PAMR1: variants seen among roughly 807,000 people sequenced by gnomAD.
PAMR1 encodes peptidase domain containing associated with muscle regeneration 1, also known as inactive serine protease PAMR1.
A neutral mutation model predicts 81.8 loss-of-function variants in PAMR1; 88 were observed. That is an observed-to-expected ratio of 1.08 (90% CI 0.91 to 1.28). The LOEUF (loss-of-function observed/expected upper bound fraction) is 1.28. PAMR1 is among the 50% of genes most tolerant of loss of function. The pLI, the probability that PAMR1 is intolerant of heterozygous loss-of-function variation, is 0.00. For missense variants in PAMR1, 935 were observed against 919.7 expected (o/e 1.02, Z -0.21); for synonymous variants, 336 against 345.3 (o/e 0.97, Z 0.30).
chr11:35,446,206 T>C (rs1057030080), intron 6 of PAMR1, among the ~76,000 whole-genome samples: 1 of 152,216 alleles, frequency 6.6e-6, no homozygotes, highest in Non-Finnish European at 1.5e-5. Context: ...TTGTGTCTAT[T>C]TGATTCTTTA....
rs775376621 is a variant in PAMR1 at position 35,434,710 on chromosome 11, A to G, written c.1428T>C (p.His476=). 6.3e-5 allele frequency: 102 copies of G among 1,614,038 alleles called. No individual in the cohort carries two copies. Among genetic ancestry groups the G allele is most frequent in the South Asian group, 1.3e-4 (12 of 91,076 alleles). The part of the protein sequence containing the change: ...AAIYRRTSGV[H]DGSLHKGAWF... ...ACGCTCCCTTGTGTAGGCTGCCGTC[A>G]TGCACCCCGCTGGTCCTCCTGTAGA... is the stretch of plus-strand genomic sequence containing the variant. Residue 476 remains histidine, a synonymous_variant, in exon 10 of 11, where the codon CAT becomes CAC. Transcript: ENST00000619888.
chr11:35,520,587 G>C (rs970392769), intron 1 of PAMR1, among the ~76,000 whole-genome samples: 31 of 152,164 alleles, frequency 2.0e-4, no homozygotes, highest in African/African-American at 6.5e-4. Context: ...TTAGGAACTG[G>C]AAAATGTAAA....
Position 35,432,456 on chromosome 11 carries a change from A to T in PAMR1, c.2063T>A (p.Leu688Gln). 6.2e-7 allele frequency: 1 copy of T among 1,614,222 alleles called. No individual in the cohort carries two copies. The change falls in exon 11 of 11, where the codon CTG becomes CAG. Residue 688 changes from leucine to glutamine, a missense_variant. Physicochemically the swap from Leu to Gln is moderately radical, Grantham distance 113 (BLOSUM62 -2). Coordinates refer to ENST00000619888, the MANE Select transcript of PAMR1 (RefSeq NM_001001991.3). ...TGTTTTATCATAGCTCCAGCTGACC[A>T]GTCCCATCAGATGCCAGCGTGGCTC... ...SPEPRWHLMG[L>Q]VSWSYDKTCS...
upstream of PAMR1, among the ~76,000 whole-genome samples, chr11:35,528,316 C>A (rs529460142): frequency 6.6e-6 from 1 of 152,158 alleles, no homozygotes; most frequent in Non-Finnish European, 1.5e-5. Context: ...GGAGACAACC[C>A]TAGACCCTTA....
chr11:35,525,587 C>G lies in PAMR1; in HGVS notation c.-2G>C, dbSNP rs764289285. The stretch of plus-strand genomic sequence containing the variant: ...CTGCGTCCAGCAACCCAGCTCCATC[C>G]TTGCCGCGGCTGGTGCCCGAGCGTC... On this transcript the variant is annotated 5_prime_UTR_variant, in exon 1 of 11. Coordinates refer to ENST00000619888, the MANE Select transcript of PAMR1 (RefSeq NM_001001991.3). 24 of 1,613,542 alleles carry G rather than the reference C, an allele frequency of 1.5e-5. No individual in the cohort carries two copies. The highest frequency in any genetic ancestry group is 1.7e-6 in the Non-Finnish European group (2 of 1,179,804).
intron 3 of PAMR1, among the ~76,000 whole-genome samples, chr11:35,491,574 C>T (rs546946686): frequency 6.6e-6 from 1 of 152,232 alleles, no homozygotes; most frequent in Non-Finnish European, 1.5e-5. Flanking sequence ...CTAAGTAATT[C>T]TTTCAGATCA....
chr11:35,472,306 G>A (rs912826237), intron 4 of PAMR1, among the ~76,000 whole-genome samples: 1 of 152,224 alleles, frequency 6.6e-6, no homozygotes, highest in African/African-American at 2.4e-5. Context: ...AAGCTGAAGA[G>A]ATAGTGCAAC....
At position 35,432,453 on chromosome 11, in the gene PAMR1, A is replaced by G; in HGVS notation, c.2066T>C (p.Val689Ala). ...GCATGTTTTATCATAGCTCCAGCTGACCAGTCCCATCAGATGCCAGCGTGG... is the reference window on the plus strand; with the variant it reads ...GCATGTTTTATCATAGCTCCAGCTGGCCAGTCCCATCAGATGCCAGCGTGG... The part of the protein sequence containing the change: ...PEPRWHLMGL[V>A]SWSYDKTCSH... The change falls in exon 11 of 11, where the codon GTC (valine) becomes GCC (alanine). Residue 689 changes from valine to alanine, a missense_variant. Physicochemically the swap from Val to Ala is moderately conservative, Grantham distance 64 (BLOSUM62 0). Transcript: ENST00000619888. The G allele has an allele frequency of 1.2e-6, 2 of 1,614,180 alleles. No individual in the cohort carries two copies. The highest frequency in any genetic ancestry group is 2.2e-5 in the East Asian group (1 of 44,882).
rs555941741 is a variant in PAMR1 at position 35,455,029 on chromosome 11, A to G, written c.820+12972T>C. 8.5e-5 allele frequency among the ~76,000 whole-genome samples: 13 copies of G among 152,364 alleles called. No individual in the cohort carries two copies. In the South Asian group the frequency reaches 2.5e-3, roughly 29 times the overall value. ...AGTCTGGGGCACAGAGGAGGTCCCA[A>G]GAATGACAGCGACTGCCTTTTTCAT... On this transcript the variant is annotated intron_variant, in intron 6 of 10. Coordinates refer to ENST00000619888, the MANE Select transcript of PAMR1 (RefSeq NM_001001991.3).
At chr11:35,449,582 G>C (rs1856368962) in intron 6 of PAMR1, among the ~76,000 whole-genome samples, 1 of 152,174 alleles carries the variant, frequency 6.6e-6, no homozygotes, top group Non-Finnish European at 1.5e-5. Flanking sequence ...AGGGGAAAAT[G>C]GCCAACTGAA....
chr11:35,516,936 C>T (rs1851175225), intron 1 of PAMR1, among the ~76,000 whole-genome samples: 1 of 152,034 alleles, frequency 6.6e-6, no homozygotes, highest in African/African-American at 2.4e-5. Context: ...AGAGAAGCCT[C>T]TGTGAGAGGG....
chr11:35,493,751 G>A (rs1850671185), intron 2 of PAMR1, among the ~76,000 whole-genome samples: 1 of 152,134 alleles, frequency 6.6e-6, no homozygotes, highest in Non-Finnish European at 1.5e-5. Context: ...GTAGCTGCCT[G>A]TTCTCCATAT....
At chr11:35,519,484 G>A (rs1388137925) in intron 1 of PAMR1, among the ~76,000 whole-genome samples, 1 of 152,176 alleles carries the variant, frequency 6.6e-6, no homozygotes, top group Non-Finnish European at 1.5e-5. Context: ...ACAGACATGT[G>A]ATTTGGATGA....
At chr11:35,518,524 T>A (rs1281549313) in intron 1 of PAMR1, among the ~76,000 whole-genome samples, 1 of 151,152 alleles carries the variant, frequency 6.6e-6, no homozygotes, top group Non-Finnish European at 1.5e-5. Flanking sequence ...GGAGCACTAA[T>A]TCCACTGGAT....
At chr11:35,501,131 T>C (rs956401465) in intron 1 of PAMR1, among the ~76,000 whole-genome samples, 11 of 129,632 alleles carry the variant, frequency 8.5e-5, no homozygotes, top group South Asian at 2.7e-4. Context: ...ACCTTTTTTT[T>C]TCTTTTTTTT....
chr11:35,514,129 C>T (rs901330839), intron 1 of PAMR1, among the ~76,000 whole-genome samples: 3 of 152,178 alleles, frequency 2.0e-5, no homozygotes, highest in South Asian at 2.1e-4. Flanking sequence ...AACCTTGCCA[C>T]GGCATTTCCC....
intron 6 of PAMR1, among the ~76,000 whole-genome samples, chr11:35,460,854 G>A (rs913982945): frequency 1.3e-4 from 20 of 152,066 alleles, no homozygotes; most frequent in African/African-American, 4.8e-4. Context: ...TGAGTCAAAC[G>A]GTATTTCTAG....
intron 5 of PAMR1, among the ~76,000 whole-genome samples, chr11:35,470,296 C>T (rs193163560): frequency 5.8e-4 from 88 of 152,252 alleles, no homozygotes; most frequent in Non-Finnish European, 9.9e-4. Flanking sequence ...GCTCTAGAGC[C>T]GAACAGCTTG....
At position 35,432,727 on chromosome 11, in the gene PAMR1, C is replaced by T; in HGVS notation, c.1792G>A (p.Val598Met). The T allele has an allele frequency of 1.2e-6, 2 of 1,614,084 alleles. No individual in the cohort carries two copies. The highest frequency in any genetic ancestry group is 1.7e-6 in the Non-Finnish European group (2 of 1,179,984). Residue 598 changes from valine to methionine, a missense_variant, in exon 11 of 11, where the codon GTG becomes ATG. Coordinates refer to ENST00000619888, the MANE Select transcript of PAMR1 (RefSeq NM_001001991.3). ...TCTGCCAGGACATTCCAGCCAGCCA[C>T]AGTGATGTGGGACTCCTGGAAGGAA... ...STSFQESHIT[V>M]AGWNVLADVR...
Sources: gnomAD v4.1 joint callset for allele counts (sites outside exome capture counted in the v4.1 genomes callset) on GRCh38, gnomAD v4.1.1 for gene constraint, MANE v1.5 for transcripts, NCBI Gene and HGNC (gene_info 2026-07-23, HGNC 2026-07-21) for gene names.